The following PACS1 variants were observed in gnomAD, a reference collection of about 807,000 sequenced individuals.
The protein encoded by PACS1 is PACS-1.
In PACS1, 24 loss-of-function variants were observed where a neutral mutation model predicts 115.0. That is an observed-to-expected ratio of 0.21 (90% CI 0.15 to 0.29). The LOEUF (loss-of-function observed/expected upper bound fraction) is 0.29. Ranked by LOEUF, PACS1 falls within the 10% of genes least tolerant of loss-of-function variation. PACS1 has a pLI of 1.00. For missense variants in PACS1, 838 were observed against 1,251.2 expected (o/e 0.67, Z 4.98); for synonymous variants, 453 against 504.5 (o/e 0.90, Z 1.37).
intron 1 of PACS1, among the ~76,000 whole-genome samples, chr11:66,185,182 G>A (rs570784275): frequency 3.3e-5 from 5 of 152,250 alleles, no homozygotes; most frequent in South Asian, 2.1e-4. Flanking sequence ...ACCAAGATTC[G>A]TTGTTTTGTT....
chr11:66,087,765 A>G (rs1857597759), intron 1 of PACS1, among the ~76,000 whole-genome samples: 1 of 152,186 alleles, frequency 6.6e-6, no homozygotes, highest in Non-Finnish European at 1.5e-5. Context: ...GTCTGTTGGT[A>G]GACCAAAGCA....
At chr11:66,214,606 C>A in intron 4 of PACS1, among the ~76,000 whole-genome samples, 1 of 111,952 alleles carries the variant, frequency 8.9e-6, no homozygotes, top group Non-Finnish European at 1.7e-5. Context: ...TTCTTCCTTT[C>A]TTCTTTTTCT....
intron 1 of PACS1, among the ~76,000 whole-genome samples, chr11:66,165,740 G>C (rs943791196): frequency 6.6e-6 from 1 of 151,982 alleles, no homozygotes; most frequent in Admixed American, 6.6e-5. Context: ...TGTATTAAGG[G>C]TAAAATATAT....
chr11:66,176,309 C>T (rs888115306), intron 1 of PACS1, among the ~76,000 whole-genome samples: 3 of 152,116 alleles, frequency 2.0e-5, no homozygotes, highest in Admixed American at 6.5e-5. Flanking sequence ...ATTTAGCGCT[C>T]ACTTATGTGA....
chr11:66,168,344 T>C (rs1032861011), intron 1 of PACS1, among the ~76,000 whole-genome samples: 1 of 150,740 alleles, frequency 6.6e-6, no homozygotes, highest in Non-Finnish European at 1.5e-5. Context: ...GAACATGGCA[T>C]CTCTTTTGTC....
At chr11:66,241,759 C>A in intron 22 of PACS1, 106 bp downstream of exon 22, 1 of 913,056 alleles carries the variant, frequency 1.1e-6, no homozygotes, top group Non-Finnish European at 1.7e-6. Context: ...GATGAAGAAG[C>A]ATCCCATGGT....
At chr11:66,211,502 C>T (rs1017876674) in intron 4 of PACS1, among the ~76,000 whole-genome samples, 1 of 152,132 alleles carries the variant, frequency 6.6e-6, no homozygotes, top group Non-Finnish European at 1.5e-5. Context: ...CATAAAATTT[C>T]AAACTTTCAG....
At chr11:66,109,534 A>G (rs1026523598) in intron 1 of PACS1, among the ~76,000 whole-genome samples, 1 of 152,208 alleles carries the variant, frequency 6.6e-6, no homozygotes. Context: ...TATAGTAACA[A>G]GAAGGTAGTT....
chr11:66,183,370 C>T (rs1860049158), intron 1 of PACS1, among the ~76,000 whole-genome samples: 1 of 152,052 alleles, frequency 6.6e-6, no homozygotes, highest in Admixed American at 6.5e-5. Flanking sequence ...AAAGGAAAAC[C>T]TTTTTCACAA....
intron 1 of PACS1, among the ~76,000 whole-genome samples, chr11:66,105,393 A>C (rs1858014242): frequency 6.6e-6 from 1 of 152,210 alleles, no homozygotes; most frequent in Admixed American, 6.5e-5. Context: ...ATTGCACTCC[A>C]TCCTGGGCAA....
At chr11:66,218,901 T>C (rs523245) in intron 7 of PACS1, among the ~76,000 whole-genome samples, 1 of 151,220 alleles carries the variant, frequency 6.6e-6, no homozygotes, top group Non-Finnish European at 1.5e-5. Flanking sequence ...ATGCAGTTTT[T>C]CCCAGGAACT....
At chr11:66,097,436 G>A (rs577328893) in intron 1 of PACS1, among the ~76,000 whole-genome samples, 5 of 152,162 alleles carry the variant, frequency 3.3e-5, no homozygotes, top group Non-Finnish European at 7.3e-5. Flanking sequence ...AGAGACTGTG[G>A]CCCTCAGTCC....
rs148632581 is a variant in PACS1 at position 66,071,207 on chromosome 11, G to A, written c.356+365G>A. Among the ~76,000 whole-genome samples the A allele has an allele frequency of 7.1e-3, 1,079 of 152,300 alleles. 8 individuals are homozygous for A. Among genetic ancestry groups the A allele is most frequent in the Middle Eastern group, 0.017 (5 of 294 alleles). On this transcript the variant is annotated intron_variant, in intron 1 of 23. Coordinates refer to ENST00000320580, the MANE Select transcript of PACS1 (RefSeq NM_018026.4). Reference sequence around the variant, plus strand: ...GCTGTACATACATGGATGTGGTATAGATCTCTTGATATTATTATTTCCCAA... The same window carrying A: ...GCTGTACATACATGGATGTGGTATAAATCTCTTGATATTATTATTTCCCAA...
chr11:66,103,025 T>A (rs1857956206), intron 1 of PACS1, among the ~76,000 whole-genome samples: 1 of 151,994 alleles, frequency 6.6e-6, no homozygotes, highest in Non-Finnish European at 1.5e-5. Flanking sequence ...GAGAATGGGT[T>A]TTACCATGTT....
At chr11:66,170,355 A>G (rs1266220817) in intron 1 of PACS1, among the ~76,000 whole-genome samples, 2 of 150,302 alleles carry the variant, frequency 1.3e-5, no homozygotes, top group African/African-American at 2.5e-5. Flanking sequence ...CTTTTCTCAT[A>G]TAACTACTTA....
intron 1 of PACS1, among the ~76,000 whole-genome samples, chr11:66,156,911 T>A (rs1026536135): frequency 3.9e-5 from 6 of 152,124 alleles, no homozygotes; most frequent in Non-Finnish European, 8.8e-5. Flanking sequence ...GTATTCACTC[T>A]CTAGGTGATG....
At chr11:66,214,410 C>T (rs1180104169) in intron 4 of PACS1, among the ~76,000 whole-genome samples, 2 of 152,120 alleles carry the variant, frequency 1.3e-5, no homozygotes, top group Non-Finnish European at 2.9e-5. Flanking sequence ...GGCCTGGCCT[C>T]ACCCAGACTC....
chr11:66,189,957 T>C (rs1854479257), intron 1 of PACS1, among the ~76,000 whole-genome samples: 1 of 152,188 alleles, frequency 6.6e-6, no homozygotes, highest in Non-Finnish European at 1.5e-5. Flanking sequence ...CTGCCTGCTA[T>C]AACCTGAAAC....
intron 1 of PACS1, among the ~76,000 whole-genome samples, chr11:66,178,542 A>G (rs1276902976): frequency 6.6e-6 from 1 of 152,192 alleles, no homozygotes; most frequent in Admixed American, 6.5e-5. Flanking sequence ...ATGGTGGATT[A>G]TATCTATCAG....
Sources: gnomAD v4.1 joint callset for allele counts (sites outside exome capture counted in the v4.1 genomes callset) on GRCh38, gnomAD v4.1.1 for gene constraint, MANE v1.5 for transcripts, NCBI Gene and HGNC (gene_info 2026-07-23, HGNC 2026-07-21) for gene names.